The following TYW1B variants were observed in gnomAD, a reference collection of about 807,000 sequenced individuals.
The protein encoded by TYW1B is S-adenosyl-L-methionine-dependent tRNA 4-demethylwyosine synthase TYW1B.
Under a neutral mutation model 86.9 loss-of-function variants are expected in TYW1B, and 73 were observed. That is an observed-to-expected ratio of 0.84 (90% confidence interval 0.70 to 1.02). TYW1B has a LOEUF of 1.02. TYW1B is among the 50% of genes least tolerant of loss of function. The pLI is 0.00. For missense variants in TYW1B, 637 were observed against 827.4 expected, an observed-to-expected ratio of 0.77 and a Z score of 2.82; for synonymous variants, 248 against 292.8, an observed-to-expected ratio of 0.85 and a Z score of 1.56.
intron 5 of TYW1B, among the ~76,000 whole-genome samples, chr7:72,804,480 G>A (rs782255825): frequency 1.3e-4 from 20 of 151,976 alleles, no homozygotes; most frequent in Non-Finnish European, 2.8e-4. Context: ...GGATTATCAC[G>A]GACAGCTATG....
At chr7:72,595,609 A>G (rs1811513362) in intron 13 of TYW1B, among the ~76,000 whole-genome samples, 1 of 152,160 alleles carries the variant, frequency 6.6e-6, no homozygotes, top group Admixed American at 6.5e-5. Context: ...CTTGAGTCTC[A>G]GAGGTGGAAG....
chr7:72,768,083 C>G (rs1554468872), intron 7 of TYW1B, among the ~76,000 whole-genome samples: 1 of 151,864 alleles, frequency 6.6e-6, no homozygotes, highest in African/African-American at 2.4e-5. Flanking sequence ...AACCCTGTCT[C>G]TACAAAAAAT....
Position 72,616,732 on chromosome 7 carries a change from G to C in TYW1B, c.1725C>G (p.Pro575=). 2 of 1,614,164 alleles carry C rather than the reference G, an allele frequency of 1.2e-6. No homozygotes were observed. Among genetic ancestry groups the C allele is most frequent in the Non-Finnish European group, 1.7e-6 (2 of 1,180,040 alleles). ...CGTGTTCACATGCAATTTCATATTC[G>C]GGGATCAGATCCACCAGCTCGCGGA... ...QFVRELVDLI[P]EYEIACEHEH... Residue 575 remains proline (P), a synonymous_variant, in exon 13 of 14, where the codon CCC becomes CCG. Transcript: ENST00000620995.
chr7:72,684,380 C>T (rs1340148744), intron 11 of TYW1B, among the ~76,000 whole-genome samples: 1 of 152,096 alleles, frequency 6.6e-6, no homozygotes, highest in Non-Finnish European at 1.5e-5. Flanking sequence ...ATGATTTCAA[C>T]TTCTACCCAG....
At chr7:72,663,590 T>C (rs1416191493) in intron 11 of TYW1B, among the ~76,000 whole-genome samples, 3 of 151,308 alleles carry the variant, frequency 2.0e-5, no homozygotes, top group Admixed American at 6.6e-5. Context: ...AACCCCGTCT[T>C]TACTAAATAT....
chr7:72,714,875 T>A (rs113212691), intron 9 of TYW1B, among the ~76,000 whole-genome samples: 1 of 152,036 alleles, frequency 6.6e-6, no homozygotes, highest in African/African-American at 2.4e-5. Flanking sequence ...GGAGACGGTG[T>A]CACCGCACTC....
intron 12 of TYW1B, among the ~76,000 whole-genome samples, chr7:72,625,264 T>C (rs1464229468): frequency 2.6e-5 from 4 of 152,076 alleles, no homozygotes; most frequent in Non-Finnish European, 4.4e-5. Context: ...TCAAAAATAT[T>C]GTTGAATGCA....
In TYW1B at chr7:72,662,479, A is replaced by AT. The variant is rs1415775598; in HGVS notation, c.1506+32207dup. 1.1e-4 allele frequency among the ~76,000 whole-genome samples: 17 copies of AT among 151,874 alleles called. No individual in the cohort carries two copies. The East Asian group carries it at 1.5e-3, about 14-fold the overall frequency. ...GATAGATAGATAGATAGATAGATAA[A>AT]TTTTTTTCCTTTTTTCACAAGCTCC... On this transcript the variant is annotated intron_variant, in intron 11 of 13. Transcript: ENST00000620995.
At chr7:72,709,491 C>G (rs62466865) in intron 10 of TYW1B, among the ~76,000 whole-genome samples, 2 of 146,740 alleles carry the variant, frequency 1.4e-5, no homozygotes, top group Non-Finnish European at 3.0e-5. Context: ...CACGGTGAAA[C>G]CCCTGTCTCT....
At chr7:72,747,489 A>G (rs187035525) in intron 7 of TYW1B, among the ~76,000 whole-genome samples, 5 of 152,324 alleles carry the variant, frequency 3.3e-5, no homozygotes, top group Admixed American at 3.3e-4. Flanking sequence ...ACAGTTAAAC[A>G]TATTTTGTGA....
At chr7:72,766,899 C>G (rs1585968112) in intron 7 of TYW1B, among the ~76,000 whole-genome samples, 2 of 152,066 alleles carry the variant, frequency 1.3e-5, no homozygotes, top group Non-Finnish European at 2.9e-5. Context: ...TGCACTCCAG[C>G]CTGGGTGACA....
chr7:72,669,764 T>G lies in TYW1B; in HGVS notation c.1506+24923A>C, dbSNP rs531647693. On this transcript the variant is annotated intron_variant, in intron 11 of 13. Coordinates refer to ENST00000620995, the MANE Select transcript of TYW1B (RefSeq NM_001145440.3). ...CAGACTGGGTGATAAAGCGAGGCTC[T>G]GTCTCGGAAAAAAAATAATAATAAA... Among the ~76,000 whole-genome samples, 113 of 151,602 alleles carry G rather than the reference T, an allele frequency of 7.5e-4. 1 individual carries two copies. The highest frequency in any genetic ancestry group is 2.7e-3 in the African/African-American group (110 of 41,318).
intron 13 of TYW1B, among the ~76,000 whole-genome samples, chr7:72,604,817 C>G (rs1811756630): frequency 6.6e-6 from 1 of 152,174 alleles, no homozygotes; most frequent in African/African-American, 2.4e-5. Flanking sequence ...TCTCCTTGTC[C>G]CTCTAGCTTA....
chr7:72,777,295 G>A (rs1787972738), intron 7 of TYW1B, 121 bp downstream of exon 7: 2 of 1,171,852 alleles, frequency 1.7e-6, no homozygotes, highest in African/African-American at 1.5e-5. Flanking sequence ...TAAATCTTTA[G>A]ACTGTTATAT....
intron 11 of TYW1B, among the ~76,000 whole-genome samples, chr7:72,638,266 C>G (rs1481479507): frequency 6.6e-6 from 1 of 151,778 alleles, no homozygotes; most frequent in Non-Finnish European, 1.5e-5. Context: ...TCACAGTTCT[C>G]CACTAAAATA....
chr7:72,575,690 C>A lies in TYW1B; in HGVS notation c.1815G>T (p.Trp605Cys), dbSNP rs782505314. 1.9e-6 allele frequency: 3 copies of A among 1,608,686 alleles called. No homozygotes were observed. In the East Asian group the frequency reaches 6.7e-5, roughly 36 times the overall value. Residue 605 changes from tryptophan to cysteine, a missense_variant, in exon 14 of 14, where the codon TGG (tryptophan) becomes TGT (cysteine). Trp to Cys is a radical substitution (Grantham distance 215). Transcript: ENST00000620995. ...GCTCCTGGAAGCGGTTATAATCGAT[C>A]CATGTCCACCATTCACCACCAATTT... ...KFKIGGEWWT[W>C]IDYNRFQELI...
chr7:72,628,014 G>T (rs782041606), intron 12 of TYW1B, among the ~76,000 whole-genome samples: 1 of 152,102 alleles, frequency 6.6e-6, no homozygotes, highest in South Asian at 2.1e-4. Flanking sequence ...CACATCAGCC[G>T]GGCACAGTGG....
chr7:72,729,524 T>C (rs1554459434), intron 8 of TYW1B, among the ~76,000 whole-genome samples: 7 of 151,946 alleles, frequency 4.6e-5, no homozygotes, highest in African/African-American at 1.7e-4. Flanking sequence ...CATGGCCATA[T>C]AAAAGATTAC....
At chr7:72,631,696 C>T (rs1208819568) in intron 11 of TYW1B, among the ~76,000 whole-genome samples, 3 of 151,562 alleles carry the variant, frequency 2.0e-5, no homozygotes, top group Admixed American at 6.6e-5. Flanking sequence ...TCTTGGAAAC[C>T]TAAGAGAATC....
Sources: gnomAD v4.1 joint callset for allele counts (sites outside exome capture counted in the v4.1 genomes callset) on GRCh38, gnomAD v4.1.1 for gene constraint, MANE v1.5 for transcripts, NCBI Gene and HGNC (gene_info 2026-07-23, HGNC 2026-07-21) for gene names.